The following RAB37 variants were observed in gnomAD, a reference collection of about 807,000 sequenced individuals.
The protein encoded by RAB37 is RAB37, member RAS oncogene family, also known as ras-related protein Rab-37.
Under a neutral mutation model 33.1 loss-of-function variants are expected in RAB37, and 29 were observed. That is an observed-to-expected ratio of 0.88 (90% CI 0.65 to 1.20). The LOEUF is 1.20. Ranked by LOEUF, RAB37 falls within the 50% of genes most tolerant of loss-of-function variation. RAB37 has a pLI of 0.00. For missense variants in RAB37, 299 were observed against 301.1 expected, an observed-to-expected ratio of 0.99 and a Z score of 0.05; for synonymous variants, 128 against 119.5, an observed-to-expected ratio of 1.07 and a Z score of -0.47.
intron 1 of RAB37, among the ~76,000 whole-genome samples, chr17:74,682,968 C>T (rs1309082954): frequency 1.3e-5 from 2 of 152,164 alleles, no homozygotes; most frequent in African/African-American, 4.8e-5. Context: ...TGGAGGCTAG[C>T]CATGCAAAAA....
At chr17:74,703,226 G>T (rs2143745743) in intron 1 of RAB37, 1 of 1,145,788 alleles carries the variant, frequency 8.7e-7, no homozygotes, top group East Asian at 2.4e-5. Flanking sequence ...ACAGCTCTGA[G>T]CCTGGGCGGG....
At position 74,729,725 on chromosome 17, in the gene RAB37, C is replaced by A. The variant is rs11658622; in HGVS notation, c.183+359C>A. On this transcript the variant is annotated intron_variant, in intron 2 of 7. Transcript: ENST00000340415. The surrounding 1 kb of genome is among the most constrained non-coding windows in gnomAD (Gnocchi z 4.2). ...CCCCCCAGGGAGGCAGCCAGGAGAA[C>A]AATCCCCTGTCCCACCTTGCTCTCC... 0.59 allele frequency among the ~76,000 whole-genome samples: 89,575 copies of A among 152,022 alleles called. 32,161 individuals carry two copies. The highest frequency in any genetic ancestry group is 0.81 in the Non-Finnish European group (54,781 of 67,964).
intron 1 of RAB37, among the ~76,000 whole-genome samples, chr17:74,685,527 C>T (rs932500783): frequency 2.6e-5 from 4 of 152,062 alleles, no homozygotes; most frequent in Non-Finnish European, 4.4e-5. Context: ...GATGGGTCTG[C>T]GGCACTTTTA....
At chr17:74,720,251 G>A (rs1381715631) in intron 1 of RAB37, among the ~76,000 whole-genome samples, 4 of 152,148 alleles carry the variant, frequency 2.6e-5, no homozygotes, top group Non-Finnish European at 5.9e-5. Context: ...GTACTTTTGG[G>A]CTCTGGCCCC....
chr17:74,698,446 A>T, intron 1 of RAB37: 2 of 1,614,006 alleles, frequency 1.2e-6, no homozygotes, highest in Non-Finnish European at 8.5e-7. Context: ...GGTGAAGATG[A>T]GGGGCAGGAG....
chr17:74,725,471 T>G (rs903366915), intron 1 of RAB37, among the ~76,000 whole-genome samples: 2 of 152,108 alleles, frequency 1.3e-5, no homozygotes, highest in African/African-American at 4.8e-5. Flanking sequence ...TTTGGCCATG[T>G]GGACACCTCG....
At chr17:74,741,906 C>T (rs1300467923) in intron 2 of RAB37, among the ~76,000 whole-genome samples, 1 of 152,194 alleles carries the variant, frequency 6.6e-6, no homozygotes, top group Non-Finnish European at 1.5e-5. Flanking sequence ...AGTCCCAAGG[C>T]TAGGCTCCAG....
chr17:74,742,558 G>A lies in RAB37; in HGVS notation c.246+263G>A, dbSNP rs1241204849. Among the ~76,000 whole-genome samples the A allele has an allele frequency of 2.0e-5, 3 of 152,120 alleles. No homozygotes were observed. The highest frequency in any genetic ancestry group is 2.1e-4 in the South Asian group (1 of 4,828). ...CTCCCCAGTTGCCAGGGCTTTATCT[G>A]CTCTTAGGAGATTGGACATCCCCAA... is the stretch of plus-strand genomic sequence containing the variant. On this transcript the variant is annotated intron_variant, in intron 3 of 8. Transcript: ENST00000392613. This position sits in a 1 kb window ranked among gnomAD's most constrained non-coding sequence, Gnocchi z 4.0.
At chr17:74,714,175 A>C (rs1244734569) in intron 1 of RAB37, among the ~76,000 whole-genome samples, 1 of 151,978 alleles carries the variant, frequency 6.6e-6, no homozygotes, top group African/African-American at 2.4e-5. Context: ...CGCACCACTG[A>C]ACTCCAACCT....
At chr17:74,735,018 GAAGA>G (rs562187740), upstream of RAB37, among the ~76,000 whole-genome samples, 18,499 of 82,042 alleles carry the variant, frequency 0.23, 2,236 homozygotes, top group Non-Finnish European at 0.26. Flanking sequence ...AGGAAGGAAG[GAAGA>G]AAGAAAGAAA....
upstream of RAB37, chr17:74,737,214 G>GGGGGGGGGGCC: frequency 8.0e-7 from 1 of 1,245,282 alleles, no homozygotes; most frequent in Non-Finnish European, 1.1e-6. Context: ...CGGGGGTGGG[G>GGGGGGGGGGCC]CCGTTCCTGC....
rs1174888126 is a variant in RAB37, at chr17:74,738,958, C to T, written c.93+1593C>T. On this transcript the variant is annotated intron_variant, in intron 1 of 8. Coordinates refer to ENST00000392613, the MANE Select transcript of RAB37 (RefSeq NM_001006638.3). The surrounding 1 kb of genome is among the most constrained non-coding windows in gnomAD (Gnocchi z 5.0). ...TACCTCAAAGACATTATCCCTCCTC[C>T]TTCTACCCACTATGGAAACCATGCC... is the stretch of plus-strand genomic sequence containing the variant. Among the ~76,000 whole-genome samples, 3 of 152,196 alleles carry T rather than the reference C, an allele frequency of 2.0e-5. No homozygotes were observed. The highest frequency in any genetic ancestry group is 4.4e-5 in the Non-Finnish European group (3 of 68,034).
At chr17:74,733,485 T>TGTGAG (rs2034420837), upstream of RAB37, among the ~76,000 whole-genome samples, 1 of 11,396 alleles carries the variant, frequency 8.8e-5, no homozygotes, top group African/African-American at 3.0e-4. Flanking sequence ...TGGTGTGAGG[T>TGTGAG]GTGTGGTGTG....
chr17:74,699,980 AAAAATAC>A (rs2032887627), intron 1 of RAB37, among the ~76,000 whole-genome samples: 1 of 151,830 alleles, frequency 6.6e-6, no homozygotes, highest in Admixed American at 6.6e-5. Context: ...GTCTCTACCA[AAAAATAC>A]AAAAATTAGC....
intron 1 of RAB37, among the ~76,000 whole-genome samples, chr17:74,701,222 A>G (rs1250501131): frequency 6.6e-6 from 1 of 152,260 alleles, no homozygotes; most frequent in Non-Finnish European, 1.5e-5. Flanking sequence ...AAAGAAATTC[A>G]TCAGTCAATT....
upstream of RAB37, chr17:74,737,183 G>A: frequency 1.9e-6 from 3 of 1,539,382 alleles, no homozygotes; most frequent in Non-Finnish European, 2.6e-6. Context: ...CCCGGTCGAG[G>A]GAGGGGAGGA....
chr17:74,736,937 A>G, upstream of RAB37: 1 of 1,511,672 alleles, frequency 6.6e-7, no homozygotes, highest in South Asian at 1.2e-5. Flanking sequence ...ACTCTTCCGC[A>G]GCAGACGGGG....
intron 1 of RAB37, among the ~76,000 whole-genome samples, chr17:74,691,923 T>C (rs2032164132): frequency 6.6e-6 from 1 of 151,342 alleles, no homozygotes; most frequent in East Asian, 1.9e-4. Flanking sequence ...TGGAGTGCAG[T>C]GGCGCGATCT....
chr17:74,745,152 C>T lies in RAB37; in HGVS notation c.566+68C>T, dbSNP rs1326869760. On this transcript the variant is annotated intron_variant, in intron 8 of 8. Transcript: ENST00000392613. The surrounding 1 kb of genome is among the most constrained non-coding windows in gnomAD (Gnocchi z 4.5). ...CACACTCCAGGAATCCAGTAGGGCC[C>T]GGCCCCTGGCCCAGCCCCTGGACAC... The T allele has an allele frequency of 1.7e-5, 26 of 1,571,004 alleles. No individual in the cohort carries two copies. The highest frequency in any genetic ancestry group is 4.5e-5 in the East Asian group (2 of 44,524).
Sources: gnomAD v4.1 joint callset for allele counts (sites outside exome capture counted in the v4.1 genomes callset) on GRCh38, gnomAD v4.1.1 for gene constraint, Gnocchi (gnomAD v3.1) non-coding constraint, MANE v1.5 for transcripts, NCBI Gene and HGNC (gene_info 2026-07-23, HGNC 2026-07-21) for gene names.